AKR1B1: variants seen among roughly 807,000 people sequenced by gnomAD.
AKR1B1 encodes the protein aldo-keto reductase family 1 member B.
Under a neutral mutation model 40.4 loss-of-function variants are expected in AKR1B1, and 22 were observed. The ratio of observed to expected loss-of-function variants is 0.54; its 90% CI spans 0.39 to 0.78. The LOEUF (loss-of-function observed/expected upper bound fraction) is 0.78. AKR1B1 is among the 30% of genes least tolerant of loss of function. The pLI is 0.00. For missense variants in AKR1B1, 357 were observed against 396.7 expected (o/e 0.90, Z 0.85); for synonymous variants, 157 against 149.9 (o/e 1.05, Z -0.35).
intron 1 of AKR1B1, among the ~76,000 whole-genome samples, chr7:134,457,033 G>T (rs940912978): frequency 6.6e-6 from 1 of 152,056 alleles, no homozygotes; most frequent in Non-Finnish European, 1.5e-5. Flanking sequence ...AGCTACTTGG[G>T]AGGCTGAGGT....
At position 134,451,583 on chromosome 7, in the gene AKR1B1, T is replaced by C. The variant is rs763608518; in HGVS notation, c.234+3A>G. The stretch of plus-strand genomic sequence containing the variant: ...CCCTTCCAGCCCCACCGCGGAACGA[T>C]ACCTTGCTGACGATGAAGAGCTCCT... On this transcript the variant is annotated splice_donor_region_variant and intron_variant, in intron 2 of 9. Coordinates refer to ENST00000285930, the MANE Select transcript of AKR1B1 (RefSeq NM_001628.4). The C allele has an allele frequency of 4.3e-6, 7 of 1,613,718 alleles. No individual in the cohort carries two copies. In the African/African-American group the frequency reaches 6.7e-5, roughly 15 times the overall value.
intron 3 of AKR1B1, among the ~76,000 whole-genome samples, chr7:134,450,351 G>C (rs943844743): frequency 6.6e-6 from 1 of 152,156 alleles, no homozygotes; most frequent in East Asian, 1.9e-4. Context: ...AATAGTTACC[G>C]GGCCTCCACA....
At chr7:134,449,876 T>A in intron 3 of AKR1B1, 79 bp from the exon 4 acceptor site, 1 of 1,217,612 alleles carries the variant, frequency 8.2e-7, no homozygotes, top group Non-Finnish European at 1.2e-6. Context: ...AGCTGGCATC[T>A]AAAACAATTC....
upstream of AKR1B1, chr7:134,459,135 G>A (rs1489202951): frequency 6.5e-6 from 10 of 1,530,038 alleles, no homozygotes; most frequent in Admixed American, 1.9e-5. Context: ...TAAATAGCCC[G>A]TGAGGTCGGC....
chr7:134,458,905 A>T (rs1339090252), intron 1 of AKR1B1, 92 bp downstream of exon 1: 3 of 1,414,386 alleles, frequency 2.1e-6, no homozygotes, highest in Admixed American at 3.9e-5. Flanking sequence ...CCGCGGGGCG[A>T]GCTGCTCAGG....
rs532565661 is a variant in AKR1B1 at position 134,454,653 on chromosome 7, T to C, written c.67-2900A>G. Among the ~76,000 whole-genome samples, 9 of 152,304 alleles carry C rather than the reference T, an allele frequency of 5.9e-5. No homozygotes were observed. In the East Asian group the frequency reaches 9.7e-4, roughly 16 times the overall value. On this transcript the variant is annotated intron_variant, in intron 1 of 9. Coordinates refer to ENST00000285930, the MANE Select transcript of AKR1B1 (RefSeq NM_001628.4). ...GGGATCTCTGGGAACAGGGAACTCT[T>C]CATTTTTGAAATGTTCTCTAGTTAG...
rs781778959 is a variant in AKR1B1 at position 134,442,741 on chromosome 7, T to C, written c.938A>G (p.His313Arg). The change falls in exon 10 of 10, where the codon CAT becomes CGT. Residue 313 changes from histidine to arginine, a missense_variant. Physicochemically the swap from His to Arg is conservative, Grantham distance 29. Coordinates refer to ENST00000285930, the MANE Select transcript of AKR1B1 (RefSeq NM_001628.4). ...SCTSHKDYPF[H>R]EEF ...GCAACCACAGCTTCAAAACTCTTCATGGAAGGGGTAATCCTTGTGGGAGGT... is the reference window on the plus strand; with the variant it reads ...GCAACCACAGCTTCAAAACTCTTCACGGAAGGGGTAATCCTTGTGGGAGGT... 5.0e-6 allele frequency: 8 copies of C among 1,614,112 alleles called. No individual in the cohort carries two copies. The East Asian group carries it at 8.9e-5, about 18-fold the overall frequency.
Position 134,442,433 on chromosome 7 carries a change from C to T in AKR1B1, c.*295G>A, listed in dbSNP as rs1805965565. The T allele has an allele frequency of 3.2e-6, 1 of 309,098 alleles. No individual in the cohort carries two copies. Among genetic ancestry groups the T allele is most frequent in the South Asian group, 6.7e-5 (1 of 14,982 alleles). The allele number at this position is 309,098 out of a possible 1,614,324, so 19.1% of individuals were successfully genotyped here. A position where few individuals can be genotyped will look rare whatever the true frequency, so the allele number is the denominator to read the frequency against. ...CAGTTCCAAGCAGTCAAAACTCAAC[C>T]GTTAGTGGCACTATTTTGACCTGGT... is the stretch of plus-strand genomic sequence containing the variant. On this transcript the variant is annotated 3_prime_UTR_variant, in exon 10 of 10. Coordinates refer to ENST00000285930, the MANE Select transcript of AKR1B1 (RefSeq NM_001628.4).
chr7:134,458,926 G>A, intron 1 of AKR1B1, 71 bp downstream of exon 1: 4 of 1,511,456 alleles, frequency 2.6e-6, no homozygotes, highest in Non-Finnish European at 3.6e-6. Context: ...GTCACTCGGG[G>A]TCCCTCGCCA....
intron 4 of AKR1B1, 135 bp from the exon 5 acceptor site, chr7:134,449,254 G>A: frequency 7.7e-7 from 1 of 1,299,728 alleles, no homozygotes; most frequent in East Asian, 2.3e-5. Flanking sequence ...GAAGCTAAGA[G>A]ACAGTGAGAC....
intron 9 of AKR1B1, 153 bp downstream of exon 9, chr7:134,445,084 TG>T: frequency 1.4e-6 from 1 of 729,332 alleles, no homozygotes; most frequent in East Asian, 2.7e-5. Flanking sequence ...GTTCAGCTGA[TG>T]CAAGTCACGT....
rs752768846 is a variant in AKR1B1, at chr7:134,451,799, C to T, written c.67-46G>A. On this transcript the variant is annotated intron_variant, in intron 1 of 9. Coordinates refer to ENST00000285930, the MANE Select transcript of AKR1B1 (RefSeq NM_001628.4). ...AGCCCCGCAGAATGCAGAGTCTGCA[C>T]AGCAAGGAGGAGGGGCAGTGGCAGC... 12 of 1,598,502 alleles carry T rather than the reference C, an allele frequency of 7.5e-6. No homozygotes were observed. The South Asian group carries it at 1.3e-4, about 18-fold the overall frequency.
intron 4 of AKR1B1, 94 bp from the exon 5 acceptor site, chr7:134,449,213 A>C: frequency 6.5e-7 from 1 of 1,536,416 alleles, no homozygotes; most frequent in Non-Finnish European, 8.9e-7. Context: ...TCCTGCCCTC[A>C]CTCTTCAGTG....
chr7:134,449,011 G>C lies in AKR1B1; in HGVS notation c.538C>G (p.Pro180Ala). 6.2e-7 allele frequency: 1 copy of C among 1,614,038 alleles called. No homozygotes were observed. The highest frequency in any genetic ancestry group is 8.5e-7 in the Non-Finnish European group (1 of 1,180,004). The change falls in exon 5 of 10, where the codon CCT (proline) becomes GCT (alanine). Residue 180 changes from proline (P) to alanine (A), a missense_variant. Coordinates refer to ENST00000285930, the MANE Select transcript of AKR1B1 (RefSeq NM_001628.4). ...ILNKPGLKYK[P>A]AVNQIECHPY... Reference sequence around the variant, plus strand: ...GGGATGTTTACCTGGTTAACTGCAGGCTTATACTTCAAGCCAGGTTTGTTT... The same window carrying C: ...GGGATGTTTACCTGGTTAACTGCAGCCTTATACTTCAAGCCAGGTTTGTTT...
intron 7 of AKR1B1, 192 bp downstream of exon 7, chr7:134,447,788 C>T (rs918765531): frequency 3.3e-5 from 23 of 690,126 alleles, no homozygotes; most frequent in Admixed American, 2.9e-4. Flanking sequence ...GGGGCAGGCA[C>T]TATTAATCTA....
chr7:134,445,365 TAA>T, intron 8 of AKR1B1, 45 bp from the exon 9 acceptor site: 2 of 1,531,158 alleles, frequency 1.3e-6, no homozygotes, highest in Non-Finnish European at 9.0e-7. Context: ...CAAATAAAAA[TAA>T]AAGACAAAAT....
At chr7:134,458,845 C>A (rs983928368) in intron 1 of AKR1B1, 152 bp downstream of exon 1, 52 of 868,676 alleles carry the variant, frequency 6.0e-5, no homozygotes, top group Non-Finnish European at 8.3e-5. Flanking sequence ...CCGACCCCAG[C>A]CCGCTGGGGA....
At chr7:134,455,177 T>C (rs1270995828) in intron 1 of AKR1B1, among the ~76,000 whole-genome samples, 2 of 152,190 alleles carry the variant, frequency 1.3e-5, no homozygotes, top group African/African-American at 2.4e-5. Flanking sequence ...GTGGGTGCTA[T>C]TGTCCCCAAA....
Position 134,451,875 on chromosome 7 carries a change from C to G in AKR1B1, c.67-122G>C. The G allele has an allele frequency of 2.9e-6, 3 of 1,050,742 alleles. No homozygotes were observed. In the South Asian group the frequency reaches 4.1e-5, roughly 14 times the overall value. 65.1% of individuals were successfully genotyped at this position (1,050,742 alleles called of 1,614,324 possible). ...CACTTTGTTCAGCAAAGACAGACCA[C>G]GTGCACTTCCTCAGCAGCATTCTGG... On this transcript the variant is annotated intron_variant, in intron 1 of 9. Coordinates refer to ENST00000285930, the MANE Select transcript of AKR1B1 (RefSeq NM_001628.4).
Sources: gnomAD v4.1 joint callset for allele counts (sites outside exome capture counted in the v4.1 genomes callset) on GRCh38, gnomAD v4.1.1 for gene constraint, MANE v1.5 for transcripts, NCBI Gene and HGNC (gene_info 2026-07-23, HGNC 2026-07-21) for gene names.